Variants in ARHGAP24 observed in about 807,000 individuals in gnomAD.
The protein encoded by ARHGAP24 is rho GTPase-activating protein 24.
ARHGAP24 carries 50 observed loss-of-function variants against 76.4 expected under a neutral mutation model. The ratio of observed to expected loss-of-function variants is 0.65; its 90% CI spans 0.52 to 0.83. ARHGAP24 has a LOEUF of 0.83. ARHGAP24 is among the 40% of genes least tolerant of loss of function. ARHGAP24 has a pLI of 0.00. For synonymous variants in ARHGAP24, 345 were observed against 323.3 expected (o/e 1.07, Z -0.72); for missense variants, 930 against 914.2 (o/e 1.02, Z -0.22).
intron 1 of ARHGAP24, among the ~76,000 whole-genome samples, chr4:85,498,445 T>C (rs1444980255): frequency 6.6e-6 from 1 of 152,214 alleles, no homozygotes; most frequent in Admixed American, 6.5e-5. Flanking sequence ...TTTTCAATTA[T>C]ATTAATGGAA....
chr4:85,860,084 T>C (rs1731801835), intron 3 of ARHGAP24, among the ~76,000 whole-genome samples: 1 of 152,134 alleles, frequency 6.6e-6, no homozygotes, highest in South Asian at 2.1e-4. Context: ...TCACGTCCAG[T>C]GAATCAGAAC....
At chr4:85,974,038 G>A (rs1482335508) in intron 6 of ARHGAP24, among the ~76,000 whole-genome samples, 1 of 136,378 alleles carries the variant, frequency 7.3e-6, no homozygotes, top group Admixed American at 7.4e-5. Flanking sequence ...TGTATTTTTA[G>A]TAGAGATGGG....
At chr4:85,633,545 A>G (rs1721225972) in intron 2 of ARHGAP24, among the ~76,000 whole-genome samples, 1 of 151,854 alleles carries the variant, frequency 6.6e-6, no homozygotes, top group African/African-American at 2.4e-5. Context: ...CTATTTTGCT[A>G]TATGTAAAAT....
intron 4 of ARHGAP24, among the ~76,000 whole-genome samples, chr4:85,926,334 A>G (rs183788298): frequency 6.6e-6 from 1 of 152,342 alleles, no homozygotes; most frequent in Admixed American, 6.5e-5. Flanking sequence ...CAAAGAATAA[A>G]TCTTCTCCTG....
intron 1 of ARHGAP24, among the ~76,000 whole-genome samples, chr4:85,478,194 T>A (rs1304425741): frequency 6.6e-6 from 1 of 152,206 alleles, no homozygotes; most frequent in Non-Finnish European, 1.5e-5. Context: ...ATATTTAAAA[T>A]GGAACGATGC....
At chr4:85,729,961 C>T (rs1054748032) in intron 3 of ARHGAP24, among the ~76,000 whole-genome samples, 3 of 152,160 alleles carry the variant, frequency 2.0e-5, no homozygotes, top group Middle Eastern at 3.2e-3. Flanking sequence ...TCACTAATCC[C>T]CACTGGTGCC....
chr4:85,966,257 C>T (rs1408511550), intron 5 of ARHGAP24, among the ~76,000 whole-genome samples: 1 of 152,100 alleles, frequency 6.6e-6, no homozygotes, highest in Non-Finnish European at 1.5e-5. Flanking sequence ...CTCCAAGTAC[C>T]ATTACATTAG....
At chr4:85,937,605 A>G (rs958250366) in intron 4 of ARHGAP24, among the ~76,000 whole-genome samples, 23 of 152,192 alleles carry the variant, frequency 1.5e-4, no homozygotes, top group African/African-American at 5.5e-4. Flanking sequence ...AGTAGTTAGC[A>G]TAGTCAAGAA....
rs533423266 is a variant in ARHGAP24 at position 85,501,834 on chromosome 4, T to C, written c.-21+26275T>C. On this transcript the variant is annotated intron_variant, in intron 1 of 9. Coordinates refer to ENST00000395184, the MANE Select transcript of ARHGAP24 (RefSeq NM_001025616.3). Reference sequence around the variant, plus strand: ...TGAATGGTATTGCCTAGTTTTTTTTTCTAGGGTTTTTATGGTTTTAGGTCT... The same window carrying C: ...TGAATGGTATTGCCTAGTTTTTTTTCCTAGGGTTTTTATGGTTTTAGGTCT... 5.9e-5 allele frequency among the ~76,000 whole-genome samples: 9 copies of C among 152,310 alleles called. No individual in the cohort carries two copies. The East Asian group carries it at 1.7e-3, about 29-fold the overall frequency.
chr4:85,506,592 C>A (rs1314917937), intron 1 of ARHGAP24, among the ~76,000 whole-genome samples: 1 of 152,230 alleles, frequency 6.6e-6, no homozygotes, highest in African/African-American at 2.4e-5. Context: ...GTTGTGAAGA[C>A]CATGAGAAAA....
chr4:85,487,749 A>T (rs1479223934), intron 1 of ARHGAP24, among the ~76,000 whole-genome samples: 1 of 104,566 alleles, frequency 9.6e-6, no homozygotes, highest in Non-Finnish European at 1.7e-5. Flanking sequence ...TATAATATAT[A>T]TTTATTATAT....
At chr4:85,564,323 C>G (rs1020559838) in intron 1 of ARHGAP24, among the ~76,000 whole-genome samples, 11 of 147,978 alleles carry the variant, frequency 7.4e-5, no homozygotes, top group African/African-American at 2.8e-4. Context: ...TGTTCTCGCT[C>G]ATAGGTGGGA....
At chr4:85,730,986 GCACACACACACACA>G (rs200255967) in intron 3 of ARHGAP24, among the ~76,000 whole-genome samples, 19 of 133,816 alleles carry the variant, frequency 1.4e-4, no homozygotes, top group Non-Finnish European at 1.8e-4. Flanking sequence ...TAATATAACT[GCACACACACACACA>G]CACACACACA....
At chr4:85,550,730 A>G (rs1213036927) in intron 1 of ARHGAP24, among the ~76,000 whole-genome samples, 2 of 152,130 alleles carry the variant, frequency 1.3e-5, no homozygotes, top group African/African-American at 2.4e-5. Flanking sequence ...GTCTTTGAGT[A>G]GTGTTTTATA....
At chr4:85,826,749 C>A (rs182766419) in intron 3 of ARHGAP24, among the ~76,000 whole-genome samples, 1 of 152,236 alleles carries the variant, frequency 6.6e-6, no homozygotes, top group Non-Finnish European at 1.5e-5. Flanking sequence ...AGTAAGAAAT[C>A]TCTGTTTTAT....
At chr4:85,736,351 A>C (rs1031968415) in intron 3 of ARHGAP24, among the ~76,000 whole-genome samples, 1 of 152,152 alleles carries the variant, frequency 6.6e-6, no homozygotes, top group African/African-American at 2.4e-5. Flanking sequence ...TGTCATAACC[A>C]TTTATAAATA....
intron 2 of ARHGAP24, among the ~76,000 whole-genome samples, chr4:85,704,428 ATTATC>A (rs1724219972): frequency 6.6e-6 from 1 of 152,154 alleles, no homozygotes; most frequent in South Asian, 2.1e-4. Context: ...CCATGAGAAA[ATTATC>A]TTATAAGATA....
At chr4:85,932,435 CTTTTTT>C (rs5860009) in intron 4 of ARHGAP24, among the ~76,000 whole-genome samples, 42 of 109,086 alleles carry the variant, frequency 3.9e-4, no homozygotes, top group Non-Finnish European at 6.4e-4. Flanking sequence ...CTTTAAAGGA[CTTTTTT>C]TTTTTTTTTT....
At chr4:85,978,661 C>A (rs79524697) in intron 8 of ARHGAP24, among the ~76,000 whole-genome samples, 4,615 of 152,066 alleles carry the variant, frequency 0.03, 266 homozygotes, top group African/African-American at 0.11. Context: ...TTTTTGAAAT[C>A]TTTATTATAA....
Sources: gnomAD v4.1 joint callset for allele counts (sites outside exome capture counted in the v4.1 genomes callset) on GRCh38, gnomAD v4.1.1 for gene constraint, MANE v1.5 for transcripts, NCBI Gene and HGNC (gene_info 2026-07-23, HGNC 2026-07-21) for gene names.